Variants in ROR1 observed in about 807,000 individuals in gnomAD.
ROR1 encodes ROR family WNT receptor 1, also known as inactive tyrosine-protein kinase transmembrane receptor ROR1.
Under a neutral mutation model 78.8 loss-of-function variants are expected in ROR1, and 19 were observed. The ratio of observed to expected loss-of-function variants is 0.24; its 90% CI spans 0.17 to 0.35. The LOEUF is 0.35. Among genes scored for constraint, ROR1 ranks in the 10% least tolerant of loss-of-function variants. The probability of loss-of-function intolerance (pLI) is 1.00; values close to 1 mark genes in which losing one functional copy is unlikely to be tolerated. For missense variants in ROR1, 917 were observed against 1,177.8 expected, an observed-to-expected ratio of 0.78 and a Z score of 3.24; for synonymous variants, 386 against 433.6, an observed-to-expected ratio of 0.89 and a Z score of 1.36.
chr1:63,939,091 T>C (rs1645816315), intron 1 of ROR1, among the ~76,000 whole-genome samples: 1 of 152,264 alleles, frequency 6.6e-6, no homozygotes, highest in Non-Finnish European at 1.5e-5. Flanking sequence ...GGTCATTGTC[T>C]GAAGGAAGAA....
At chr1:63,995,139 A>G (rs1646327034) in intron 1 of ROR1, among the ~76,000 whole-genome samples, 1 of 152,220 alleles carries the variant, frequency 6.6e-6, no homozygotes, top group Non-Finnish European at 1.5e-5. Context: ...AACTGTTTCC[A>G]TCAGATGTAA....
At chr1:63,985,058 G>A (rs776991059) in intron 1 of ROR1, among the ~76,000 whole-genome samples, 2 of 152,092 alleles carry the variant, frequency 1.3e-5, no homozygotes, top group Admixed American at 6.5e-5. Context: ...TACATACCCA[G>A]GGTGTGTTGA....
chr1:64,129,004 A>G (rs1000234286), intron 4 of ROR1, among the ~76,000 whole-genome samples: 1 of 152,220 alleles, frequency 6.6e-6, no homozygotes, highest in Non-Finnish European at 1.5e-5. Flanking sequence ...TTCTGCCATT[A>G]TAAAAATTTG....
chr1:64,163,515 A>G (rs191857556), intron 8 of ROR1, among the ~76,000 whole-genome samples: 328 of 152,286 alleles, frequency 2.2e-3, no homozygotes, highest in African/African-American at 7.6e-3. Context: ...GACAGCCCCC[A>G]TGAGTCGAAC....
chr1:63,940,374 A>G (rs562383592), intron 1 of ROR1, among the ~76,000 whole-genome samples: 1 of 152,306 alleles, frequency 6.6e-6, no homozygotes, highest in South Asian at 2.1e-4. Context: ...GGACACTTTG[A>G]GTGATGGAAT....
At chr1:63,869,304 T>C (rs1645236555) in intron 1 of ROR1, among the ~76,000 whole-genome samples, 1 of 152,170 alleles carries the variant, frequency 6.6e-6, no homozygotes, top group African/African-American at 2.4e-5. Context: ...TTTAAATTGG[T>C]CAAAGACACG....
chr1:63,809,005 C>G (rs1416104900), intron 1 of ROR1, among the ~76,000 whole-genome samples: 3 of 152,110 alleles, frequency 2.0e-5, no homozygotes, highest in Non-Finnish European at 4.4e-5. Flanking sequence ...TCTTGTCACA[C>G]AACTTGATTC....
At chr1:63,979,193 G>A (rs1570006860) in intron 1 of ROR1, among the ~76,000 whole-genome samples, 1 of 152,080 alleles carries the variant, frequency 6.6e-6, no homozygotes, top group African/African-American at 2.4e-5. Flanking sequence ...CCAAGTTGAT[G>A]CATAAAACTA....
intron 8 of ROR1, among the ~76,000 whole-genome samples, chr1:64,159,806 C>T (rs916695927): frequency 1.3e-5 from 2 of 152,088 alleles, no homozygotes; most frequent in South Asian, 4.1e-4. Flanking sequence ...CCAACCTTAG[C>T]CTTCCCCACT....
intron 4 of ROR1, among the ~76,000 whole-genome samples, chr1:64,130,922 T>C: frequency 6.6e-6 from 1 of 152,226 alleles, no homozygotes; most frequent in Non-Finnish European, 1.5e-5. Flanking sequence ...TCGAGGTTAC[T>C]AGAGCCATTA....
intron 1 of ROR1, among the ~76,000 whole-genome samples, chr1:63,890,016 A>G (rs1557546149): frequency 6.6e-6 from 1 of 152,114 alleles, no homozygotes; most frequent in African/African-American, 2.4e-5. Context: ...CCACATCCAG[A>G]AAAGGGCATT....
intron 1 of ROR1, among the ~76,000 whole-genome samples, chr1:63,930,635 GC>G: frequency 6.6e-6 from 1 of 152,296 alleles, no homozygotes; most frequent in South Asian, 2.1e-4. Flanking sequence ...GAGTGGAGAT[GC>G]CCATATGATG....
At chr1:63,882,742 A>G (rs1415478746) in intron 1 of ROR1, among the ~76,000 whole-genome samples, 1 of 152,188 alleles carries the variant, frequency 6.6e-6, no homozygotes, top group Non-Finnish European at 1.5e-5. Flanking sequence ...ATGGGCATGA[A>G]GAGTTCTAAA....
rs150006018 is a variant in ROR1 at position 64,137,510 on chromosome 1, A to C, written c.610+14A>C. The C allele has an allele frequency of 6.2e-7, 1 of 1,606,206 alleles. No individual in the cohort carries two copies. The highest frequency in any genetic ancestry group is 1.3e-5 in the African/African-American group (1 of 74,710). ...ATCAGATCACAGGTAGGTAGCACCA[A>C]TGAAATTATATTTGTCCCTTGAATA... is the stretch of plus-strand genomic sequence containing the variant. On this transcript the variant is annotated intron_variant, in intron 5 of 8. Coordinates refer to ENST00000371079, the MANE Select transcript of ROR1 (RefSeq NM_005012.4).
chr1:63,813,193 A>G lies in ROR1; in HGVS notation c.91+38685A>G, dbSNP rs7532530. 6.8e-3 allele frequency among the ~76,000 whole-genome samples: 1,029 copies of G among 152,316 alleles called. 7 individuals carry two copies. Among genetic ancestry groups the G allele is most frequent in the African/African-American group, 0.024 (977 of 41,564 alleles). On this transcript the variant is annotated intron_variant, in intron 1 of 8. Coordinates refer to ENST00000371079, the MANE Select transcript of ROR1 (RefSeq NM_005012.4). Reference sequence around the variant, plus strand: ...CTTAAGGTTCAGCTCAGTGTGCTTCATGGAAAAAACTAAATGGGGGAGCAT... The same window carrying G: ...CTTAAGGTTCAGCTCAGTGTGCTTCGTGGAAAAAACTAAATGGGGGAGCAT...
intron 1 of ROR1, among the ~76,000 whole-genome samples, chr1:63,919,520 T>C (rs1645637112): frequency 6.7e-6 from 1 of 149,046 alleles, no homozygotes; most frequent in Non-Finnish European, 1.5e-5. Flanking sequence ...TAGATAACTA[T>C]ATTAATTTAT....
In ROR1 at chr1:63,786,571, C is replaced by CTTT. The variant is rs10530236; in HGVS notation, c.91+12082_91+12084dup. ...ACAGGCGTGAGCCACCGCGCCTGGC[C>CTTT]TTTTTTTTTTTTTTTTTTTTTAAGG... On this transcript the variant is annotated intron_variant, in intron 1 of 8. Transcript: ENST00000371079. Among the ~76,000 whole-genome samples the CTTT allele has an allele frequency of 9.4e-4, 107 of 113,328 alleles. 2 individuals carry two copies. Among genetic ancestry groups the CTTT allele is most frequent in the Middle Eastern group, 5.5e-3 (1 of 182 alleles). 74.3% of individuals were successfully genotyped at this position (113,328 alleles called of 152,430 possible).
At chr1:64,012,816 T>A (rs1646487471) in intron 2 of ROR1, among the ~76,000 whole-genome samples, 1 of 152,166 alleles carries the variant, frequency 6.6e-6, no homozygotes, top group South Asian at 2.1e-4. Flanking sequence ...AAAAGGCATA[T>A]TTCAAAATAA....
At chr1:64,097,476 TA>T (rs1232181750) in intron 4 of ROR1, among the ~76,000 whole-genome samples, 1 of 152,092 alleles carries the variant, frequency 6.6e-6, no homozygotes, top group Non-Finnish European at 1.5e-5. Context: ...CTCTGGGGAT[TA>T]GGACATTCAC....
Sources: allele counts gnomAD v4.1 joint callset (sites outside exome capture counted in the v4.1 genomes callset), GRCh38; gene constraint gnomAD v4.1.1; transcripts MANE v1.5; gene names NCBI Gene and HGNC (gene_info 2026-07-23, HGNC 2026-07-21).